The following OSR1 variants were observed in gnomAD, a reference collection of about 807,000 sequenced individuals.
OSR1 encodes the protein odd-skipped related transcription factor 1, also known as protein odd-skipped-related 1.
Under a neutral mutation model 15.7 loss-of-function variants are expected in OSR1, and 3 were observed. The ratio of observed to expected loss-of-function variants is 0.19; its 90% CI spans 0.09 to 0.50. The LOEUF (loss-of-function observed/expected upper bound fraction) is 0.50, where lower values mean the gene tolerates loss of function less well. Among genes scored for constraint, OSR1 ranks in the 20% least tolerant of loss-of-function variants. The pLI is 0.97. For missense variants in OSR1, 271 were observed against 351.1 expected (o/e 0.77, Z 1.82); for synonymous variants, 166 against 152.7 (o/e 1.09, Z -0.64).
chr2:19,356,122 G>A (rs1261086013), intron 1 of OSR1: 2 of 152,538 alleles, frequency 1.3e-5, no homozygotes, highest in East Asian at 3.9e-4. Flanking sequence ...CGTGGCTGTG[G>A]GACTCTGGCC....
rs543465303 is a variant in OSR1 at position 19,357,029 on chromosome 2, G to A, written c.-33+1312C>T. ...CTCCAACGAGTGGTGACAGGCGTCC[G>A]GACCCCCGTGAAGAGGACTGACCGG... On this transcript the variant is annotated intron_variant, in intron 1 of 2. Coordinates refer to ENST00000272223, the MANE Select transcript of OSR1 (RefSeq NM_145260.3). This position sits in a 1 kb window ranked among gnomAD's most constrained non-coding sequence, Gnocchi z 5.0. 2.6e-5 allele frequency: 4 copies of A among 152,224 alleles called. No homozygotes were observed. Among genetic ancestry groups the A allele is most frequent in the African/African-American group, 9.6e-5 (4 of 41,520 alleles). The allele number at this position is 152,224 out of a possible 1,614,324, so 9.4% of individuals were successfully genotyped here.
intron 1 of OSR1, chr2:19,354,625 G>C (rs1360543056): frequency 6.6e-6 from 1 of 152,284 alleles, no homozygotes; most frequent in South Asian, 2.1e-4. Flanking sequence ...AGTGAAACCT[G>C]TTGGCTCCAC....
At chr2:19,350,865 C>T (rs1324639890), downstream of OSR1, among the ~76,000 whole-genome samples, 1 of 152,094 alleles carries the variant, frequency 6.6e-6, no homozygotes, top group Non-Finnish European at 1.5e-5. Flanking sequence ...TGCAGAGCCT[C>T]GATCCTAGGA....
rs1001959898 is a variant in OSR1 at position 19,351,860 on chromosome 2, C to T, written c.*415G>A. The T allele has an allele frequency of 1.3e-5, 2 of 156,950 alleles. No individual in the cohort carries two copies. Among genetic ancestry groups the T allele is most frequent in the African/African-American group, 4.8e-5 (2 of 41,540 alleles). The allele number at this position is 156,950 out of a possible 1,614,324, so 9.7% of individuals were successfully genotyped here. A position where few individuals can be genotyped will look rare whatever the true frequency, so the allele number is the denominator to read the frequency against. On this transcript the variant is annotated 3_prime_UTR_variant, in exon 3 of 3. Coordinates refer to ENST00000272223, the MANE Select transcript of OSR1 (RefSeq NM_145260.3). ...GCCAGTGCTAAGGACTTCGTTGCCT[C>T]TCCTCTCTCCACTCACTCTCCGCAG...
intron 1 of OSR1, chr2:19,354,825 G>A (rs1021364714): frequency 1.3e-5 from 2 of 152,322 alleles, no homozygotes; most frequent in Admixed American, 1.3e-4. Flanking sequence ...TTGTCAGCAT[G>A]TTCTTGTGTG....
intron 1 of OSR1, chr2:19,356,399 G>A (rs985205243): frequency 3.9e-5 from 6 of 152,300 alleles, no homozygotes; most frequent in Non-Finnish European, 2.9e-5. Context: ...TCGGAAGCCA[G>A]TGCTCCCCAG....
the OSR1 span, among the ~76,000 whole-genome samples, chr2:19,345,743 A>G: frequency 3.3e-5 from 5 of 152,166 alleles, no homozygotes; most frequent in African/African-American, 9.7e-5. Flanking sequence ...ACAGCACAAC[A>G]CATGCTCTGG....
downstream of OSR1, among the ~76,000 whole-genome samples, chr2:19,350,597 G>T (rs926014842): frequency 1.3e-5 from 2 of 152,166 alleles, no homozygotes; most frequent in Non-Finnish European, 2.9e-5. Flanking sequence ...GCCATCCTGC[G>T]CTTGGGAAAG....
At chr2:19,356,026 C>CTCCGGG (rs1417662460) in intron 1 of OSR1, 1 of 152,516 alleles carries the variant, frequency 6.6e-6, no homozygotes, top group Non-Finnish European at 1.5e-5. Context: ...AGATCCTTAT[C>CTCCGGG]TCCGGGTCCC....
Position 19,353,846 on chromosome 2 carries a change from A to G in OSR1, c.-32-9T>C. 1 of 1,573,518 alleles carries G rather than the reference A, an allele frequency of 6.4e-7. No homozygotes were observed. Among genetic ancestry groups the G allele is most frequent in the Non-Finnish European group, 8.6e-7 (1 of 1,157,334 alleles). On this transcript the variant is annotated splice_polypyrimidine_tract_variant and intron_variant, in intron 1 of 2. Coordinates refer to ENST00000272223, the MANE Select transcript of OSR1 (RefSeq NM_145260.3). ...GGCTTCTCAATCCGGATCTGCAAAG[A>G]AAAGAAGAAGGCAGGGGCGTGGAGA...
chr2:19,347,121 C>T (rs139394816), downstream of OSR1, among the ~76,000 whole-genome samples: 1,305 of 152,262 alleles, frequency 8.6e-3, 24 homozygotes, highest in African/African-American at 0.029. Flanking sequence ...TTTCAGGATG[C>T]CTCTGTTATA....
rs1572262037 is a variant in OSR1 at position 19,357,404 on chromosome 2, A to G, written c.-33+937T>C. ...GGCTACTTTACACATTGAGAACCCA[A>G]CCCGCTACTGCCTGAGCTGCTGAAA... On this transcript the variant is annotated intron_variant, in intron 1 of 2. Transcript: ENST00000272223. This position sits in a 1 kb window ranked among gnomAD's most constrained non-coding sequence, Gnocchi z 5.0. Among the ~76,000 whole-genome samples the G allele has an allele frequency of 6.6e-6, 1 of 152,146 alleles. No homozygotes were observed. The highest frequency in any genetic ancestry group is 2.1e-4 in the South Asian group (1 of 4,828).
chr2:19,347,746 T>C (rs1462723108), downstream of OSR1, among the ~76,000 whole-genome samples: 1 of 152,098 alleles, frequency 6.6e-6, no homozygotes, highest in East Asian at 1.9e-4. Context: ...TGGCCTTGGG[T>C]AGGACCCGCC....
intron 1 of OSR1, chr2:19,356,035 C>T (rs934472014): frequency 3.3e-5 from 5 of 152,488 alleles, no homozygotes; most frequent in African/African-American, 1.2e-4. Context: ...TCTCCGGGTC[C>T]CGGACCCCGC....
chr2:19,351,066 G>A (rs889987896), downstream of OSR1, among the ~76,000 whole-genome samples: 4 of 152,152 alleles, frequency 2.6e-5, no homozygotes, highest in South Asian at 6.2e-4. Flanking sequence ...CAGAGGCCAG[G>A]AGGGAGGCCT....
rs767009648 is a variant in OSR1, at chr2:19,353,110, G to A, written c.665+31C>T. On this transcript the variant is annotated intron_variant, in intron 2 of 2. Transcript: ENST00000272223. The stretch of plus-strand genomic sequence containing the variant: ...AAGATGGTGAGGCCAGAGGCAGAGA[G>A]CTCTCTCTTGCGCCACCCGCAGTGC... 2.5e-6 allele frequency: 4 copies of A among 1,606,148 alleles called. No homozygotes were observed. The South Asian group carries it at 3.3e-5, about 13-fold the overall frequency.
chr2:19,350,431 G>A (rs1664814038), downstream of OSR1, among the ~76,000 whole-genome samples: 1 of 152,120 alleles, frequency 6.6e-6, no homozygotes, highest in Non-Finnish European at 1.5e-5. Context: ...GGATGGGGTG[G>A]TGAAAGCCCA....
chr2:19,344,958 T>C, the OSR1 span, among the ~76,000 whole-genome samples: 1 of 152,024 alleles, frequency 6.6e-6, no homozygotes, highest in South Asian at 2.1e-4. Context: ...TAAAGTGAGA[T>C]GGTAGAAGAT....
chr2:19,346,255 T>C, the OSR1 span, among the ~76,000 whole-genome samples: 1 of 152,210 alleles, frequency 6.6e-6, no homozygotes, highest in Non-Finnish European at 1.5e-5. Context: ...AACTTTCAAC[T>C]CATTCATCCC....
Sources: gnomAD v4.1 joint callset for allele counts (sites outside exome capture counted in the v4.1 genomes callset) on GRCh38, gnomAD v4.1.1 for gene constraint, Gnocchi (gnomAD v3.1) non-coding constraint, MANE v1.5 for transcripts, NCBI Gene and HGNC (gene_info 2026-07-23, HGNC 2026-07-21) for gene names.